The following RNF212 variants were observed in gnomAD, a reference collection of about 807,000 sequenced individuals.
RNF212 encodes probable E3 SUMO-protein ligase RNF212.
In RNF212, 33 loss-of-function variants were observed where a neutral mutation model predicts 34.7. That is an observed-to-expected ratio of 0.95 (90% CI 0.72 to 1.27). The LOEUF is 1.27. RNF212 is among the 50% of genes most tolerant of loss of function. RNF212 has a pLI of 0.00. For missense variants in RNF212, 377 were observed against 362.2 expected, an observed-to-expected ratio of 1.04 and a Z score of -0.33; for synonymous variants, 140 against 136.1, an observed-to-expected ratio of 1.03 and a Z score of -0.20.
At position 1,093,726 on chromosome 4, in the gene RNF212, T is replaced by C. The variant is rs141944410; in HGVS notation, c.247-2888A>G. 497 of 1,536,296 alleles carry C rather than the reference T, an allele frequency of 3.2e-4. 11 individuals are homozygous for C. In the Middle Eastern group the frequency reaches 5.5e-3, roughly 17 times the overall value. On this transcript the variant is annotated intron_variant, in intron 3 of 9. Transcript: ENST00000433731. ...TGTCTGTGATAACAGACATGTTTTA[T>C]GAACTCAAGCAACTTCTGGCCCCAA...
chr4:1,113,276 C>T, intron 1 of RNF212, 80 bp downstream of exon 1: 1 of 376,092 alleles, frequency 2.7e-6, no homozygotes. Flanking sequence ...CCCTCCCACC[C>T]AAGTCCCCCA....
At chr4:1,062,031 AAT>A (rs1717785323) in intron 3 of RNF212, among the ~76,000 whole-genome samples, 1 of 152,220 alleles carries the variant, frequency 6.6e-6, no homozygotes, top group Non-Finnish European at 1.5e-5. Flanking sequence ...ATTAAAGGAA[AAT>A]ATGATGATAG....
chr4:1,111,887 T>C (rs1221793020), intron 1 of RNF212, among the ~76,000 whole-genome samples: 1 of 152,122 alleles, frequency 6.6e-6, no homozygotes, highest in Non-Finnish European at 1.5e-5. Context: ...ATCCATACAA[T>C]GGAACACCAC....
intron 4 of RNF212, among the ~76,000 whole-genome samples, chr4:1,057,292 A>G (rs1285728849): frequency 1.3e-5 from 2 of 152,176 alleles, no homozygotes; most frequent in Non-Finnish European, 2.9e-5. Context: ...ACTGGACTGC[A>G]GGCATCAAAA....
At chr4:1,099,860 G>A (rs571794664) in intron 2 of RNF212, 5 of 456,216 alleles carry the variant, frequency 1.1e-5, no homozygotes, top group East Asian at 7.0e-5. Flanking sequence ...CGGGATCCAC[G>A]GGGCTCTCCT....
At position 1,072,583 on chromosome 4, in the gene RNF212, A is replaced by C. The variant is rs1335902470; in HGVS notation, c.*291T>G. ...ACTGCTCTAAGAAAAAGTTTTAAAA[A>C]CCACCCAGTTAGAAAAAAATGATTT... is the stretch of plus-strand genomic sequence containing the variant. On this transcript the variant is annotated 3_prime_UTR_variant, in exon 10 of 10. Transcript: ENST00000433731. The C allele has an allele frequency of 1.2e-5, 11 of 909,072 alleles. No individual in the cohort carries two copies. The highest frequency in any genetic ancestry group is 1.5e-5 in the Non-Finnish European group (11 of 731,798). The allele number at this position is 909,072 out of a possible 1,614,324, so 56.3% of individuals were successfully genotyped here.
chr4:1,104,856 C>T (rs1234189031), intron 2 of RNF212, among the ~76,000 whole-genome samples: 1 of 152,146 alleles, frequency 6.6e-6, no homozygotes, highest in African/African-American at 2.4e-5. Context: ...CGGGGCAGGA[C>T]AGCTAAGAAA....
At chr4:1,086,607 G>A (rs1371903755) in intron 4 of RNF212, among the ~76,000 whole-genome samples, 3 of 20,974 alleles carry the variant, frequency 1.4e-4, no homozygotes, top group East Asian at 1.4e-3. Context: ...GCAGGAGAGG[G>A]GTGGGGGTGA....
intron 1 of RNF212, 31 bp from the exon 2 acceptor site, chr4:1,108,435 A>C: frequency 8.6e-7 from 1 of 1,168,794 alleles, no homozygotes; most frequent in Non-Finnish European, 1.2e-6. Flanking sequence ...TTATTATATT[A>C]GACTGACTAC....
At chr4:1,093,303 C>CCT in intron 3 of RNF212, 2 of 901,928 alleles carry the variant, frequency 2.2e-6, no homozygotes, top group Non-Finnish European at 3.0e-6. Flanking sequence ...GAAATTAAGA[C>CCT]TGAGACAAAT....
chr4:1,110,567 T>A (rs1469184236), intron 1 of RNF212, among the ~76,000 whole-genome samples: 2 of 152,174 alleles, frequency 1.3e-5, no homozygotes, highest in African/African-American at 4.8e-5. Flanking sequence ...CATGCAACCT[T>A]AAGAATGATG....
At chr4:1,105,836 G>A (rs1179574598) in intron 2 of RNF212, among the ~76,000 whole-genome samples, 1 of 152,244 alleles carries the variant, frequency 6.6e-6, no homozygotes. Flanking sequence ...AGGCTGTGGG[G>A]GATGGAGCCT....
chr4:1,076,151 T>A (rs1223846648), intron 8 of RNF212, among the ~76,000 whole-genome samples: 1 of 152,200 alleles, frequency 6.6e-6, no homozygotes, highest in African/African-American at 2.4e-5. Context: ...AACACTTCCA[T>A]CTGCATGTGA....
Position 1,072,531 on chromosome 4 carries a change from T to G in RNF212, c.*343A>C. 1 of 350,396 alleles carries G rather than the reference T, an allele frequency of 2.9e-6. No homozygotes were observed. Among genetic ancestry groups the G allele is most frequent in the Non-Finnish European group, 4.4e-6 (1 of 228,060 alleles). The allele number at this position is 350,396 out of a possible 1,614,324, so 21.7% of individuals were successfully genotyped here. On this transcript the variant is annotated 3_prime_UTR_variant, in exon 10 of 10. Transcript: ENST00000433731. ...TGGTGTATATGGGAAATCTGTACCT[T>G]CCTTTCAATTTTTCTGTGAACCTAA...
At position 1,113,336 on chromosome 4, in the gene RNF212, T is replaced by C. The variant is rs1263559562; in HGVS notation, c.109+20A>G. 5.0e-6 allele frequency: 6 copies of C among 1,211,550 alleles called. No individual in the cohort carries two copies. The highest frequency in any genetic ancestry group is 5.3e-6 in the Non-Finnish European group (5 of 948,356). 75.0% of individuals were successfully genotyped at this position (1,211,550 alleles called of 1,614,324 possible). ...TGCCGCTCCCCTCCCCTCTCCAGCCTGCGTTCGGGAAGCCCTGACCTTTGC... is the reference window on the plus strand; with the variant it reads ...TGCCGCTCCCCTCCCCTCTCCAGCCCGCGTTCGGGAAGCCCTGACCTTTGC... On this transcript the variant is annotated intron_variant, in intron 1 of 9. Transcript: ENST00000433731.
intron 4 of RNF212, 151 bp downstream of exon 4, chr4:1,090,631 G>A: frequency 4.7e-6 from 3 of 634,364 alleles, no homozygotes; most frequent in Non-Finnish European, 8.5e-6. Context: ...GAAGGAGACA[G>A]TGACAACGTC....
intron 2 of RNF212, chr4:1,099,566 T>C (rs2153058518): frequency 5.3e-6 from 2 of 379,900 alleles, no homozygotes; most frequent in Non-Finnish European, 1.0e-5. Flanking sequence ...TCAAGAAAAC[T>C]GAATTTTTGT....
rs997914070 is a variant in RNF212, at chr4:1,113,543, G to A, written c.-79C>T. ...GTTGGGACCAGCCTCCCCGCGCAGG[G>A]CCCGAAGGCGGGCAGCTCTGCGCCT... On this transcript the variant is annotated 5_prime_UTR_variant, in exon 1 of 10. Transcript: ENST00000433731. 79 of 1,210,332 alleles carry A rather than the reference G, an allele frequency of 6.5e-5. No homozygotes were observed. The Middle Eastern group carries it at 7.2e-4, about 11-fold the overall frequency. The allele number at this position is 1,210,332 out of a possible 1,614,324, so 75.0% of individuals were successfully genotyped here. A position where few individuals can be genotyped will look rare whatever the true frequency, so the allele number is the denominator to read the frequency against.
chr4:1,074,668 G>C (rs1718988271), intron 8 of RNF212, among the ~76,000 whole-genome samples: 1 of 152,140 alleles, frequency 6.6e-6, no homozygotes, highest in South Asian at 2.1e-4. Flanking sequence ...GGCCCTCTGA[G>C]CTGCCTGCAG....
Sources: allele counts gnomAD v4.1 joint callset (sites outside exome capture counted in the v4.1 genomes callset), GRCh38; gene constraint gnomAD v4.1.1; transcripts MANE v1.5; gene names NCBI Gene and HGNC (gene_info 2026-07-23, HGNC 2026-07-21).